AMOTL1: variants seen among roughly 807,000 people sequenced by gnomAD.
The protein encoded by AMOTL1 is angiomotin-like protein 1.
Under a neutral mutation model 102.9 loss-of-function variants are expected in AMOTL1, and 45 were observed. The ratio of observed to expected loss-of-function variants is 0.44; its 90% CI spans 0.34 to 0.56. The LOEUF is 0.56. AMOTL1 is among the 20% of genes least tolerant of loss of function. AMOTL1 has a pLI of 0.01. For synonymous variants in AMOTL1, 481 were observed against 484.7 expected (o/e 0.99, Z 0.10); for missense variants, 1,114 against 1,225.6 (o/e 0.91, Z 1.36).
intron 6 of AMOTL1, among the ~76,000 whole-genome samples, chr11:94,847,298 C>T (rs1952436041): frequency 6.6e-6 from 1 of 152,014 alleles, no homozygotes; most frequent in Non-Finnish European, 1.5e-5. Context: ...GTTTGAAGGT[C>T]GAGTGGACAG....
chr11:94,811,011 AC>A (rs1951672243), intron 3 of AMOTL1, among the ~76,000 whole-genome samples: 1 of 152,160 alleles, frequency 6.6e-6, no homozygotes. Context: ...CAAATGTCAA[AC>A]CAGAAAGAGC....
chr11:94,796,877 C>A, intron 2 of AMOTL1: 2 of 483,978 alleles, frequency 4.1e-6, no homozygotes, highest in Non-Finnish European at 5.4e-6. Context: ...TATTTACATA[C>A]ACATATAGAT....
chr11:94,711,754 C>T (rs4572096), intron 1 of AMOTL1, among the ~76,000 whole-genome samples: 126,719 of 151,728 alleles, frequency 0.84, 54,238 homozygotes, highest in Non-Finnish European at 0.93. Flanking sequence ...GGTTGTTATG[C>T]GTATCAATAG....
intron 1 of AMOTL1, among the ~76,000 whole-genome samples, chr11:94,709,619 C>T (rs578172217): frequency 3.5e-4 from 54 of 152,206 alleles, no homozygotes; most frequent in African/African-American, 1.3e-3. Flanking sequence ...GATTTTCCAG[C>T]CATTCAAACT....
intron 11 of AMOTL1, 72 bp from the exon 12 acceptor site, chr11:94,869,104 AATCATCAATCAACAAGGAACAG>A: frequency 7.5e-7 from 1 of 1,335,118 alleles, no homozygotes; most frequent in East Asian, 2.6e-5. Context: ...TGAATGAAGC[AATCATCAATCAACAAGGAACAG>A]ATCTGCAAGA....
chr11:94,717,043 G>T (rs1950109612), intron 1 of AMOTL1, among the ~76,000 whole-genome samples: 1 of 151,906 alleles, frequency 6.6e-6, no homozygotes, highest in Admixed American at 6.6e-5. Flanking sequence ...TATGCCTGTT[G>T]GTGGTTTGGG....
chr11:94,719,743 TA>T (rs1320720947), intron 1 of AMOTL1, among the ~76,000 whole-genome samples: 3 of 151,982 alleles, frequency 2.0e-5, no homozygotes, highest in Admixed American at 6.6e-5. Flanking sequence ...ACGTATTCTT[TA>T]AAAAAAATAA....
intron 2 of AMOTL1, among the ~76,000 whole-genome samples, chr11:94,740,539 G>A (rs977279511): frequency 6.6e-6 from 1 of 151,654 alleles, no homozygotes; most frequent in Non-Finnish European, 1.5e-5. Context: ...CCCCGGGACC[G>A]CGGGAAAACT....
intron 3 of AMOTL1, among the ~76,000 whole-genome samples, chr11:94,805,442 G>A (rs1345683050): frequency 6.6e-6 from 1 of 152,010 alleles, no homozygotes; most frequent in Non-Finnish European, 1.5e-5. Flanking sequence ...GAGGGTTGTG[G>A]GTTTTCTTTA....
At chr11:94,746,628 C>T (rs2135484703) in intron 3 of AMOTL1, among the ~76,000 whole-genome samples, 1 of 152,298 alleles carries the variant, frequency 6.6e-6, no homozygotes, top group South Asian at 2.1e-4. Context: ...TGTGTCATGT[C>T]CTCCTGGTGG....
intron 9 of AMOTL1, among the ~76,000 whole-genome samples, chr11:94,862,722 C>G (rs1952799214): frequency 6.6e-6 from 1 of 152,184 alleles, no homozygotes; most frequent in African/African-American, 2.4e-5. Context: ...AGATTTGTTT[C>G]CAGCTCCATG....
chr11:94,829,006 T>C (rs1413400340), intron 4 of AMOTL1, among the ~76,000 whole-genome samples: 1 of 152,206 alleles, frequency 6.6e-6, no homozygotes, highest in African/African-American at 2.4e-5. Context: ...TTTATTGATA[T>C]CTACATCAAA....
chr11:94,795,657 G>A (rs971993833), intron 2 of AMOTL1, among the ~76,000 whole-genome samples: 2 of 152,034 alleles, frequency 1.3e-5, no homozygotes, highest in African/African-American at 4.8e-5. Flanking sequence ...ACCACTTTAG[G>A]GAAGGATGTC....
At chr11:94,790,082 T>C (rs1180336243) in intron 1 of AMOTL1, among the ~76,000 whole-genome samples, 2 of 152,104 alleles carry the variant, frequency 1.3e-5, no homozygotes, top group Non-Finnish European at 2.9e-5. Context: ...AGCTGAAAGG[T>C]ACAAGGAATT....
chr11:94,833,033 T>C (rs1008958895), intron 6 of AMOTL1, among the ~76,000 whole-genome samples: 5 of 152,230 alleles, frequency 3.3e-5, no homozygotes, highest in South Asian at 2.1e-4. Context: ...ACTTTAACCT[T>C]CTGGCTCAAA....
rs139049248 is a variant in AMOTL1 at position 94,757,267 on chromosome 11, A to G, written c.136+16279A>G. Among the ~76,000 whole-genome samples the G allele has an allele frequency of 5.3e-4, 80 of 152,324 alleles. 1 individual carries two copies. The highest frequency in any genetic ancestry group is 1.8e-3 in the African/African-American group (75 of 41,570). ...CTAGAACACCTGCTGCAAGTTAAGCACTGGACTAAGAGCTTTACATGTAAT... is the reference window on the plus strand; with the variant it reads ...CTAGAACACCTGCTGCAAGTTAAGCGCTGGACTAAGAGCTTTACATGTAAT... On this transcript the variant is annotated intron_variant, in intron 3 of 4. Coordinates refer to the AMOTL1 transcript ENST00000299004.
chr11:94,854,095 G>A lies in AMOTL1; in HGVS notation c.1944+13G>A. 6.6e-7 allele frequency: 1 copy of A among 1,525,488 alleles called. No individual in the cohort carries two copies. The allele number at this position is 1,525,488 out of a possible 1,614,324, so 94.5% of individuals were successfully genotyped here. ...GAGAACCCAGCAGGTAAGGAACTGG[G>A]CATGGACTGGTGAAAGAATTAGATA... On this transcript the variant is annotated intron_variant, in intron 8 of 12. Coordinates refer to ENST00000433060, the MANE Select transcript of AMOTL1 (RefSeq NM_130847.3).
chr11:94,869,330 A>T lies in AMOTL1; in HGVS notation c.2621A>T (p.Asp874Val). ...SSAHAKTGSK[D>V]SSTQTDKSAE... ...GCCCACGCCAAGACAGGCAGCAAGG[A>T]CAGCAGCACACAGACTGACAAGAGT... is the stretch of plus-strand genomic sequence containing the variant. Residue 874 changes from aspartate to valine, a missense_variant, in exon 12 of 13, where the codon GAC becomes GTC. By Grantham distance (152) the Asp-to-Val change is radical. Transcript: ENST00000433060. 1.2e-6 allele frequency: 2 copies of T among 1,612,554 alleles called. No homozygotes were observed. Among genetic ancestry groups the T allele is most frequent in the Non-Finnish European group, 1.7e-6 (2 of 1,179,364 alleles).
chr11:94,720,670 T>G (rs1950162023), intron 1 of AMOTL1, among the ~76,000 whole-genome samples: 1 of 152,118 alleles, frequency 6.6e-6, no homozygotes, highest in Non-Finnish European at 1.5e-5. Flanking sequence ...CTTCTCCCTA[T>G]CTGCTGATTC....
Sources: allele counts gnomAD v4.1 joint callset (sites outside exome capture counted in the v4.1 genomes callset), GRCh38; gene constraint gnomAD v4.1.1; transcripts MANE v1.5; gene names NCBI Gene and HGNC (gene_info 2026-07-23, HGNC 2026-07-21).